ENKUR: variants seen among roughly 807,000 people sequenced by gnomAD.
ENKUR encodes enkurin.
A neutral mutation model predicts 27.6 loss-of-function variants in ENKUR; 19 were observed. The observed-to-expected ratio is 0.69, with a 90% CI of 0.48 to 1.01. ENKUR has a LOEUF of 1.01. Ranked by LOEUF, ENKUR falls within the 50% of genes least tolerant of loss-of-function variation. The pLI is 0.00. For synonymous variants in ENKUR, 117 were observed against 96.9 expected (o/e 1.21, Z -1.22); for missense variants, 312 against 310.5 (o/e 1.00, Z -0.04).
chr10:25,025,207 A>G (rs775583001), intron 2 of ENKUR: 3 of 1,614,230 alleles, frequency 1.9e-6, no homozygotes, highest in African/African-American at 1.3e-5. Flanking sequence ...CCCTGTGATT[A>G]TCTCATCTAC....
At chr10:25,057,380 TACACACACACACACACACACACACAC>T (rs139515865) in intron 2 of ENKUR, among the ~76,000 whole-genome samples, 2 of 117,752 alleles carry the variant, frequency 1.7e-5, no homozygotes, top group African/African-American at 6.8e-5. Flanking sequence ...TGCACTTTGG[TACACACACACACACACACACACACAC>T]ACACACACAC....
chr10:24,990,364 AAATCCAAGTGCTGACTTTAATCATC>A, intron 4 of ENKUR, 74 bp downstream of exon 4: 1 of 1,452,568 alleles, frequency 6.9e-7, no homozygotes, highest in Non-Finnish European at 9.2e-7. Flanking sequence ...TCTGATTTCA[AAATCCAAGTGCTGACTTTAATCATC>A]AAAGTGATGG....
chr10:24,988,688 A>ATATATATATATGTG (rs1849852110), intron 4 of ENKUR, among the ~76,000 whole-genome samples: 1 of 29,166 alleles, frequency 3.4e-5, no homozygotes, highest in African/African-American at 1.9e-4. Context: ...ATATATATAT[A>ATATATATATATGTG]TATATATATA....
upstream of ENKUR, among the ~76,000 whole-genome samples, chr10:25,019,097 A>G (rs957434503): frequency 1.3e-5 from 2 of 152,204 alleles, no homozygotes; most frequent in Non-Finnish European, 1.5e-5. Context: ...CCTTTTGGCT[A>G]GTTTGTGTCC....
At chr10:25,028,389 C>T (rs540686978) in intron 2 of ENKUR, among the ~76,000 whole-genome samples, 8 of 152,286 alleles carry the variant, frequency 5.3e-5, no homozygotes, top group Non-Finnish European at 1.2e-4. Context: ...CTTTCCCCGC[C>T]CCTTTGATTG....
chr10:24,990,344 A>G, intron 4 of ENKUR, 119 bp downstream of exon 4: 2 of 1,340,448 alleles, frequency 1.5e-6, no homozygotes, highest in Non-Finnish European at 2.0e-6. Flanking sequence ...CTGTAACCCA[A>G]AGAGATTGTT....
intron 4 of ENKUR, among the ~76,000 whole-genome samples, chr10:24,988,965 C>T (rs143535378): frequency 0.011 from 1,647 of 151,716 alleles, 13 homozygotes; most frequent in Non-Finnish European, 0.017. Context: ...GCTCATAAGG[C>T]GTCCAGTGGA....
chr10:25,060,883 G>GT (rs566590900), intron 2 of ENKUR, among the ~76,000 whole-genome samples: 6,382 of 144,022 alleles, frequency 0.044, 150 homozygotes, highest in Non-Finnish European at 0.066. Flanking sequence ...AATTTAAAAA[G>GT]TTTTTTTTTT....
At chr10:24,996,240 C>A (rs1056009265) in intron 2 of ENKUR, among the ~76,000 whole-genome samples, 1 of 152,146 alleles carries the variant, frequency 6.6e-6, no homozygotes, top group Non-Finnish European at 1.5e-5. Context: ...CTCGGCAACA[C>A]AGTGAAACCC....
intron 2 of ENKUR, among the ~76,000 whole-genome samples, chr10:25,042,608 T>A (rs1851077436): frequency 6.6e-6 from 1 of 152,128 alleles, no homozygotes; most frequent in African/African-American, 2.4e-5. Context: ...AAAAAATTTT[T>A]AAGTCAGAAA....
At chr10:25,055,541 T>C (rs1278829470) in intron 2 of ENKUR, among the ~76,000 whole-genome samples, 1 of 70,598 alleles carries the variant, frequency 1.4e-5, no homozygotes, top group Non-Finnish European at 2.5e-5. Context: ...ATGAAACAAA[T>C]TGGCAAAAAA....
chr10:25,061,884 T>A (rs1005732721), intron 1 of ENKUR, among the ~76,000 whole-genome samples: 2 of 152,342 alleles, frequency 1.3e-5, no homozygotes, highest in African/African-American at 4.8e-5. Flanking sequence ...GATTCACTGC[T>A]ATGTTCTTTA....
intron 2 of ENKUR, among the ~76,000 whole-genome samples, chr10:24,998,360 TC>T: frequency 4.8e-5 from 2 of 41,496 alleles, no homozygotes; most frequent in Admixed American, 3.2e-4. Flanking sequence ...CCTTCCTTCC[TC>T]TCTCTCTCTC....
chr10:24,987,040 G>A (rs1849796167), intron 4 of ENKUR, among the ~76,000 whole-genome samples: 1 of 152,196 alleles, frequency 6.6e-6, no homozygotes, highest in African/African-American at 2.4e-5. Context: ...CTTGTGGGGT[G>A]CTCCCAGCTC....
intron 2 of ENKUR, among the ~76,000 whole-genome samples, chr10:25,028,431 C>T (rs374460802): frequency 1.1e-4 from 17 of 152,246 alleles, no homozygotes; most frequent in African/African-American, 3.6e-4. Flanking sequence ...TTTTTAAAGG[C>T]CAGTCTCTTT....
At chr10:25,060,096 G>A (rs1486304027) in intron 2 of ENKUR, among the ~76,000 whole-genome samples, 4 of 152,122 alleles carry the variant, frequency 2.6e-5, no homozygotes, top group Non-Finnish European at 4.4e-5. Context: ...TCCTGAAGGC[G>A]GGGTGCTTAG....
upstream of ENKUR, chr10:25,016,261 A>G: frequency 1.1e-6 from 1 of 886,206 alleles, no homozygotes; most frequent in Non-Finnish European, 1.4e-6. Context: ...TCTGCTAGAG[A>G]AGCTCATTTG....
At chr10:25,025,156 G>GT in intron 2 of ENKUR, 2 of 1,614,220 alleles carry the variant, frequency 1.2e-6, no homozygotes, top group Non-Finnish European at 1.7e-6. Context: ...ACACACTGCT[G>GT]TTGCAAAAGT....
intron 1 of ENKUR, among the ~76,000 whole-genome samples, chr10:25,008,215 G>A (rs181411042): frequency 6.6e-6 from 1 of 151,944 alleles, no homozygotes; most frequent in African/African-American, 2.4e-5. Context: ...TTGCAGCAAT[G>A]GGAATTTTAG....
Sources: gnomAD v4.1 joint callset for allele counts (sites outside exome capture counted in the v4.1 genomes callset) on GRCh38, gnomAD v4.1.1 for gene constraint, MANE v1.5 for transcripts, NCBI Gene and HGNC (gene_info 2026-07-23, HGNC 2026-07-21) for gene names.